Variants in TSPAN5 observed in about 807,000 individuals in gnomAD.
TSPAN5 encodes tetraspanin 5.
A neutral mutation model predicts 37.1 loss-of-function variants in TSPAN5; 10 were observed. The observed-to-expected ratio is 0.27, with a 90% CI of 0.17 to 0.46. The LOEUF (loss-of-function observed/expected upper bound fraction) is 0.46, where lower values mean the gene tolerates loss of function less well. Ranked by LOEUF, TSPAN5 falls within the 20% of genes least tolerant of loss-of-function variation. The probability of loss-of-function intolerance (pLI) is 1.00; values close to 1 mark genes in which losing one functional copy is unlikely to be tolerated. For synonymous variants in TSPAN5, 110 were observed against 118.9 expected, an observed-to-expected ratio of 0.93 and a Z score of 0.48; for missense variants, 195 against 326.6, an observed-to-expected ratio of 0.60 and a Z score of 3.11.
At chr4:98,517,835 T>A (rs769708902) in intron 1 of TSPAN5, among the ~76,000 whole-genome samples, 1 of 152,136 alleles carries the variant, frequency 6.6e-6, no homozygotes, top group Non-Finnish European at 1.5e-5. Flanking sequence ...CACTATTCCA[T>A]CTGTAACTCC....
chr4:98,524,175 A>G (rs1337648931), intron 1 of TSPAN5, among the ~76,000 whole-genome samples: 3 of 152,258 alleles, frequency 2.0e-5, no homozygotes, highest in Non-Finnish European at 2.9e-5. Context: ...GAAATAGCAT[A>G]TACTATGGGG....
intron 1 of TSPAN5, among the ~76,000 whole-genome samples, chr4:98,539,727 T>C (rs1465913301): frequency 6.6e-6 from 1 of 152,232 alleles, no homozygotes; most frequent in African/African-American, 2.4e-5. Flanking sequence ...TTCCCATCCC[T>C]GGTCCTCACA....
In TSPAN5 at chr4:98,616,868, A is replaced by ATTTTTTT. The variant is rs59868555; in HGVS notation, c.81+41271_81+41277dup. ...CTAGATATTGAGAAGCTCCACGTAAATTTTTTTTTTTTTGGAAACAGAGTC... is the reference window on the plus strand; with the variant it reads ...CTAGATATTGAGAAGCTCCACGTAAATTTTTTTTTTTTTTTTTTTTGGAAACAGAGTC... On this transcript the variant is annotated intron_variant, in intron 1 of 7. Coordinates refer to ENST00000305798, the MANE Select transcript of TSPAN5 (RefSeq NM_005723.4). 1.6e-4 allele frequency among the ~76,000 whole-genome samples: 23 copies of ATTTTTTT among 144,336 alleles called. 1 individual carries two copies. The highest frequency in any genetic ancestry group is 4.7e-4 in the African/African-American group (18 of 38,396). 94.7% of individuals were successfully genotyped at this position (144,336 alleles called of 152,430 possible). A position where few individuals can be genotyped will look rare whatever the true frequency, so the allele number is the denominator to read the frequency against.
chr4:98,541,367 T>G (rs566396389), intron 1 of TSPAN5, among the ~76,000 whole-genome samples: 5 of 152,224 alleles, frequency 3.3e-5, no homozygotes, highest in African/African-American at 1.2e-4. Flanking sequence ...AATGCATCCT[T>G]TTCTTCCATA....
chr4:98,603,729 G>C (rs1241813606), intron 1 of TSPAN5, among the ~76,000 whole-genome samples: 1 of 152,150 alleles, frequency 6.6e-6, no homozygotes, highest in African/African-American at 2.4e-5. Flanking sequence ...TGTGGTGGTT[G>C]ATCTTGCTGT....
Position 98,483,172 on chromosome 4 carries a change from G to A in TSPAN5, c.280-997C>T, listed in dbSNP as rs72688436. 7.9e-3 allele frequency: 1,209 copies of A among 152,336 alleles called. 10 individuals carry two copies. Among genetic ancestry groups the A allele is most frequent in the Non-Finnish European group, 0.012 (839 of 68,072 alleles). The allele number at this position is 152,336 out of a possible 1,614,324, so 9.4% of individuals were successfully genotyped here. A position where few individuals can be genotyped will look rare whatever the true frequency, so the allele number is the denominator to read the frequency against. On this transcript the variant is annotated intron_variant, in intron 3 of 7. Transcript: ENST00000305798. Reference sequence around the variant, plus strand: ...AGGGTACAGTGCGGGTAAATTTCTGGTGACAACAGCAGAGAGGGTGACATG... The same window carrying A: ...AGGGTACAGTGCGGGTAAATTTCTGATGACAACAGCAGAGAGGGTGACATG...
At chr4:98,541,513 A>C (rs935958696) in intron 1 of TSPAN5, among the ~76,000 whole-genome samples, 10 of 151,772 alleles carry the variant, frequency 6.6e-5, no homozygotes, top group Admixed American at 3.3e-4. Context: ...CATCTGTACT[A>C]AAAATACAAA....
At chr4:98,607,771 C>T (rs1224721578) in intron 1 of TSPAN5, among the ~76,000 whole-genome samples, 3 of 150,742 alleles carry the variant, frequency 2.0e-5, no homozygotes, top group East Asian at 1.9e-4. Context: ...AGTGCAATGG[C>T]GCCATCTCAG....
intron 1 of TSPAN5, among the ~76,000 whole-genome samples, chr4:98,602,542 G>C (rs952533812): frequency 6.6e-6 from 1 of 152,142 alleles, no homozygotes; most frequent in South Asian, 2.1e-4. Flanking sequence ...CTTCTCCACA[G>C]ATGCCTAGGT....
chr4:98,612,606 T>A (rs1416575535), intron 1 of TSPAN5, among the ~76,000 whole-genome samples: 1 of 152,186 alleles, frequency 6.6e-6, no homozygotes. Context: ...TGGCAAGTCA[T>A]TTCATAACCA....
chr4:98,646,366 A>G (rs1191522845), intron 1 of TSPAN5, among the ~76,000 whole-genome samples: 2 of 152,194 alleles, frequency 1.3e-5, no homozygotes, highest in Non-Finnish European at 2.9e-5. Context: ...ATGATACCAT[A>G]AAGAACTAAA....
intron 1 of TSPAN5, among the ~76,000 whole-genome samples, chr4:98,639,170 C>T (rs760739616): frequency 2.8e-4 from 43 of 152,296 alleles, no homozygotes; most frequent in Non-Finnish European, 4.9e-4. Flanking sequence ...GATGACTATC[C>T]TTACGGGGTT....
chr4:98,653,143 T>C (rs1453241632), intron 1 of TSPAN5, among the ~76,000 whole-genome samples: 3 of 152,186 alleles, frequency 2.0e-5, no homozygotes, highest in Non-Finnish European at 4.4e-5. Context: ...CTAACAGATG[T>C]CTAGCAAATT....
chr4:98,477,254 C>T (rs1752723617), intron 5 of TSPAN5, among the ~76,000 whole-genome samples: 1 of 152,240 alleles, frequency 6.6e-6, no homozygotes. Flanking sequence ...GGGCACTCTG[C>T]TGCCATGTGG....
chr4:98,653,529 A>T (rs1449726671), intron 1 of TSPAN5, among the ~76,000 whole-genome samples: 1 of 152,142 alleles, frequency 6.6e-6, no homozygotes, highest in African/African-American at 2.4e-5. Context: ...TCACTATAAA[A>T]TCTATTGAAT....
chr4:98,529,635 A>G (rs10025051), intron 1 of TSPAN5, among the ~76,000 whole-genome samples: 117,714 of 152,134 alleles, frequency 0.77, 46,345 homozygotes, highest in African/African-American at 0.92. Flanking sequence ...GGAAAACCCC[A>G]ATTCAAACCC....
intron 1 of TSPAN5, among the ~76,000 whole-genome samples, chr4:98,610,333 C>T (rs761594640): frequency 5.9e-5 from 9 of 152,182 alleles, no homozygotes; most frequent in Non-Finnish European, 2.9e-5. Context: ...CATTAGGCTC[C>T]ACCTCCCATC....
At chr4:98,595,642 C>T (rs1441034999) in intron 1 of TSPAN5, among the ~76,000 whole-genome samples, 53 of 131,694 alleles carry the variant, frequency 4.0e-4, no homozygotes, top group East Asian at 1.7e-3. Flanking sequence ...GGTGTCTTTG[C>T]TCTCGTTGGT....
chr4:98,552,634 A>G (rs7694793), intron 1 of TSPAN5, among the ~76,000 whole-genome samples: 120,671 of 151,614 alleles, frequency 0.8, 48,797 homozygotes, highest in African/African-American at 0.94. Flanking sequence ...GGTGCTTAAG[A>G]CTTGTCCAGT....
Sources: allele counts gnomAD v4.1 joint callset (sites outside exome capture counted in the v4.1 genomes callset), GRCh38; gene constraint gnomAD v4.1.1; transcripts MANE v1.5; gene names NCBI Gene and HGNC (gene_info 2026-07-23, HGNC 2026-07-21).